The following TMEM132C variants were observed in gnomAD, a reference collection of about 807,000 sequenced individuals.
TMEM132C encodes the protein transmembrane protein 132C, also known as protein phosphatase 1, regulatory subunit 152.
TMEM132C carries 29 observed loss-of-function variants against 61.4 expected under a neutral mutation model. The ratio of observed to expected loss-of-function variants is 0.47; its 90% CI spans 0.35 to 0.64. The LOEUF (loss-of-function observed/expected upper bound fraction) is 0.64. Among genes scored for constraint, TMEM132C ranks in the 30% least tolerant of loss-of-function variants. TMEM132C has a pLI of 0.00. For synonymous variants in TMEM132C, 656 were observed against 633.1 expected, an observed-to-expected ratio of 1.04 and a Z score of -0.54; for missense variants, 1,408 against 1,476.9, an observed-to-expected ratio of 0.95 and a Z score of 0.76.
intron 1 of TMEM132C, among the ~76,000 whole-genome samples, chr12:128,333,187 T>C (rs1367166065): frequency 6.6e-6 from 1 of 151,158 alleles, no homozygotes; most frequent in Non-Finnish European, 1.5e-5. Flanking sequence ...TGGGAGTGTG[T>C]GTGTGTAGAT....
intron 2 of TMEM132C, among the ~76,000 whole-genome samples, chr12:128,488,528 G>C (rs1871582730): frequency 6.6e-6 from 1 of 151,990 alleles, no homozygotes; most frequent in African/African-American, 2.4e-5. Flanking sequence ...GGACATGGTG[G>C]TGCATGTCTG....
At chr12:128,656,390 A>C (rs1954325727) in intron 4 of TMEM132C, among the ~76,000 whole-genome samples, 1 of 152,192 alleles carries the variant, frequency 6.6e-6, no homozygotes, top group Admixed American at 6.5e-5. Flanking sequence ...CTCATGATCC[A>C]AGGTGACTGC....
intron 1 of TMEM132C, among the ~76,000 whole-genome samples, chr12:128,396,427 G>A (rs895877682): frequency 1.3e-5 from 2 of 152,060 alleles, no homozygotes; most frequent in Non-Finnish European, 2.9e-5. Context: ...ACAAATGCTC[G>A]CATGCATTAG....
At chr12:128,655,496 T>A (rs1018368817) in intron 4 of TMEM132C, among the ~76,000 whole-genome samples, 5 of 151,728 alleles carry the variant, frequency 3.3e-5, no homozygotes, top group Non-Finnish European at 7.4e-5. Context: ...TCAAGCGCCC[T>A]CACTAATCAG....
At chr12:128,621,692 G>A (rs147718874) in intron 4 of TMEM132C, among the ~76,000 whole-genome samples, 8 of 152,318 alleles carry the variant, frequency 5.3e-5, no homozygotes, top group African/African-American at 1.2e-4. Context: ...CCGGCCTGAT[G>A]TGTGTCTTGC....
chr12:128,272,024 A>C (rs1870537763), intron 1 of TMEM132C, among the ~76,000 whole-genome samples: 1 of 152,266 alleles, frequency 6.6e-6, no homozygotes, highest in Non-Finnish European at 1.5e-5. Context: ...CTTTGTTTAA[A>C]AGCCAGGCTT....
chr12:128,347,253 A>G (rs1425821746), intron 1 of TMEM132C, among the ~76,000 whole-genome samples: 1 of 152,088 alleles, frequency 6.6e-6, no homozygotes, highest in Non-Finnish European at 1.5e-5. Context: ...AAAGACCATT[A>G]TTTTGTTCTG....
At chr12:128,340,799 CTT>C (rs1474878404) in intron 1 of TMEM132C, among the ~76,000 whole-genome samples, 4 of 144,956 alleles carry the variant, frequency 2.8e-5, no homozygotes, top group East Asian at 2.0e-4. Flanking sequence ...CTCTCTCTCT[CTT>C]TCTTTCTTTC....
rs1221850769 is a variant in TMEM132C at position 128,326,159 on chromosome 12, T to C, written c.85+58672T>C. Among the ~76,000 whole-genome samples the C allele has an allele frequency of 6.6e-6, 1 of 152,102 alleles. No individual in the cohort carries two copies. The highest frequency in any genetic ancestry group is 1.5e-5 in the Non-Finnish European group (1 of 68,024). Reference sequence around the variant, plus strand: ...AAATACCATTTGTCACATTTTATTGTTTTTATGAGGGTGAGGGAACTGTAC... The same window carrying C: ...AAATACCATTTGTCACATTTTATTGCTTTTATGAGGGTGAGGGAACTGTAC... On this transcript the variant is annotated intron_variant, in intron 1 of 8. Coordinates refer to ENST00000435159, the MANE Select transcript of TMEM132C (RefSeq NM_001136103.3). The surrounding 1 kb of genome is among the most constrained non-coding windows in gnomAD (Gnocchi z 5.6).
At chr12:128,384,837 G>T (rs934170953) in intron 1 of TMEM132C, among the ~76,000 whole-genome samples, 1 of 152,110 alleles carries the variant, frequency 6.6e-6, no homozygotes, top group East Asian at 1.9e-4. Flanking sequence ...TCAAAGATGC[G>T]CACACTGAGA....
chr12:128,391,801 G>A (rs1391653418), intron 1 of TMEM132C, among the ~76,000 whole-genome samples: 1 of 152,184 alleles, frequency 6.6e-6, no homozygotes, highest in African/African-American at 2.4e-5. Flanking sequence ...TCCCCACACA[G>A]ACTTTAGACC....
intron 2 of TMEM132C, among the ~76,000 whole-genome samples, chr12:128,534,280 C>A (rs758482021): frequency 6.6e-6 from 1 of 152,166 alleles, no homozygotes; most frequent in Non-Finnish European, 1.5e-5. Context: ...TTGTAGATGG[C>A]GTGAGCCCCG....
In TMEM132C at chr12:128,267,341, G is replaced by A. The variant is rs1870339548; in HGVS notation, c.-62G>A. On this transcript the variant is annotated 5_prime_UTR_variant, in exon 1 of 9. Coordinates refer to ENST00000435159, the MANE Select transcript of TMEM132C (RefSeq NM_001136103.3). The stretch of plus-strand genomic sequence containing the variant: ...CCCCGGGCATGGGGCGGCCGGCGGG[G>A]GCCGCGGGCGGGCGCTGCGCTTCGG... 4 of 969,172 alleles carry A rather than the reference G, an allele frequency of 4.1e-6. No individual in the cohort carries two copies. The highest frequency in any genetic ancestry group is 4.6e-5 in the South Asian group (1 of 21,752). The allele number at this position is 969,172 out of a possible 1,614,324, so 60.0% of individuals were successfully genotyped here.
At chr12:128,331,893 A>C (rs1872673659) in intron 1 of TMEM132C, among the ~76,000 whole-genome samples, 1 of 152,194 alleles carries the variant, frequency 6.6e-6, no homozygotes, top group Admixed American at 6.5e-5. Context: ...TTGTGGTTGA[A>C]TCCATTAACC....
At chr12:128,670,963 T>G (rs7308795) in intron 5 of TMEM132C, among the ~76,000 whole-genome samples, 43,259 of 152,054 alleles carry the variant, frequency 0.28, 6,172 homozygotes, top group South Asian at 0.36. Context: ...AATTCTAATT[T>G]TTTTTAATGG....
chr12:128,287,115 G>T (rs1033716790), intron 1 of TMEM132C, among the ~76,000 whole-genome samples: 1 of 152,182 alleles, frequency 6.6e-6, no homozygotes, highest in Non-Finnish European at 1.5e-5. Flanking sequence ...TGTTGGGCAA[G>T]ATTATTGTTT....
intron 4 of TMEM132C, among the ~76,000 whole-genome samples, chr12:128,622,695 A>AT (rs1953979983): frequency 6.6e-6 from 1 of 152,016 alleles, no homozygotes. Context: ...CGCGTTAGCA[A>AT]TATCTTCTGT....
chr12:128,532,250 T>G (rs2136137060), intron 2 of TMEM132C, among the ~76,000 whole-genome samples: 1 of 152,106 alleles, frequency 6.6e-6, no homozygotes, highest in African/African-American at 2.4e-5. Context: ...TTTCTATAGC[T>G]CCTTTATGAG....
intron 1 of TMEM132C, among the ~76,000 whole-genome samples, chr12:128,358,119 G>A (rs1156970535): frequency 6.6e-6 from 1 of 152,124 alleles, no homozygotes; most frequent in Admixed American, 6.5e-5. Flanking sequence ...GGAGCTGCAC[G>A]GCCCTGGGCA....
Sources: gnomAD v4.1 joint callset for allele counts (sites outside exome capture counted in the v4.1 genomes callset) on GRCh38, gnomAD v4.1.1 for gene constraint, Gnocchi (gnomAD v3.1) non-coding constraint, MANE v1.5 for transcripts, NCBI Gene and HGNC (gene_info 2026-07-23, HGNC 2026-07-21) for gene names.